SORCS1: variants seen among roughly 807,000 people sequenced by gnomAD.
SORCS1 encodes the protein VPS10 domain-containing receptor SorCS1.
A neutral mutation model predicts 146.1 loss-of-function variants in SORCS1; 60 were observed. The observed-to-expected ratio is 0.41, with a 90% CI of 0.33 to 0.51. The LOEUF (loss-of-function observed/expected upper bound fraction) is 0.51, where lower values mean the gene tolerates loss of function less well. Ranked by LOEUF, SORCS1 falls within the 20% of genes least tolerant of loss-of-function variation. The pLI is 0.21. For missense variants in SORCS1, 1,352 were observed against 1,487.6 expected, an observed-to-expected ratio of 0.91 and a Z score of 1.50; for synonymous variants, 637 against 584.0, an observed-to-expected ratio of 1.09 and a Z score of -1.31.
rs200162724 is a variant in SORCS1 at position 106,675,059 on chromosome 10, G to C, written c.1930C>G (p.Leu644Val). ...TACTTTTCAACTTACGTCATGATGA[G>C]AGTCTCTTCTCCAGGCTCACCCAGA... ...GVLGEPGEET[L>V]IMTVFGHFSH... Residue 644 changes from leucine (L) to valine (V), a missense_variant, in exon 14 of 26, where the codon CTC (leucine) becomes GTC (valine). By Grantham distance (32) the Leu-to-Val change is conservative. Transcript: ENST00000263054. The C allele has an allele frequency of 3.7e-5, 60 of 1,612,630 alleles. No individual in the cohort carries two copies. The East Asian group carries it at 1.2e-3, about 34-fold the overall frequency.
At chr10:107,086,093 G>T (rs1015376202) in intron 1 of SORCS1, among the ~76,000 whole-genome samples, 1 of 152,210 alleles carries the variant, frequency 6.6e-6, no homozygotes, top group African/African-American at 2.4e-5. Flanking sequence ...TCGGGCACTG[G>T]AGAAGCATCT....
upstream of SORCS1, among the ~76,000 whole-genome samples, chr10:107,165,236 G>A (rs548677994): frequency 6.6e-6 from 1 of 151,852 alleles, no homozygotes; most frequent in Admixed American, 6.6e-5. This position sits in a 1 kb window ranked among gnomAD's most constrained non-coding sequence, Gnocchi z 4.0. Context: ...CAGCCTGGGG[G>A]GAGATCCCGG....
intron 13 of SORCS1, among the ~76,000 whole-genome samples, 194 bp from the exon 14 acceptor site, chr10:106,675,350 C>A (rs2135515973): frequency 6.6e-6 from 1 of 152,226 alleles, no homozygotes; most frequent in African/African-American, 2.4e-5. Flanking sequence ...GCCACCGGGA[C>A]ACAGATGTAT....
chr10:106,642,415 T>C (rs1300321206), intron 18 of SORCS1, among the ~76,000 whole-genome samples: 4 of 152,184 alleles, frequency 2.6e-5, no homozygotes, highest in Admixed American at 2.6e-4. Flanking sequence ...AGAAGCATGA[T>C]CTTTTGACAT....
chr10:106,789,835 G>A (rs1190019493), intron 3 of SORCS1, among the ~76,000 whole-genome samples: 1 of 152,224 alleles, frequency 6.6e-6, no homozygotes, highest in Non-Finnish European at 1.5e-5. Flanking sequence ...CCCAAGATTA[G>A]GTAATTTATA....
chr10:106,927,927 G>A (rs1367711641), intron 2 of SORCS1, among the ~76,000 whole-genome samples: 1 of 152,208 alleles, frequency 6.6e-6, no homozygotes, highest in Non-Finnish European at 1.5e-5. Flanking sequence ...GTGTCCATTG[G>A]TGCATTCACA....
At chr10:106,751,421 A>G (rs757250982) in intron 5 of SORCS1, among the ~76,000 whole-genome samples, 1 of 152,222 alleles carries the variant, frequency 6.6e-6, no homozygotes, top group African/African-American at 2.4e-5. Flanking sequence ...GGGCTTTCTG[A>G]GTTCTTCTCC....
At chr10:106,648,041 T>A (rs554567069) in intron 18 of SORCS1, among the ~76,000 whole-genome samples, 184 of 150,514 alleles carry the variant, frequency 1.2e-3, no homozygotes, top group African/African-American at 3.9e-3. Context: ...CTATTTTTTT[T>A]AATTATTTTT....
chr10:106,615,673 G>A (rs2133450679), intron 21 of SORCS1, among the ~76,000 whole-genome samples: 1 of 152,234 alleles, frequency 6.6e-6, no homozygotes, highest in African/African-American at 2.4e-5. Context: ...ATGAATCTCT[G>A]GATAACTCAA....
chr10:106,798,175 C>T (rs1946675084), intron 3 of SORCS1, among the ~76,000 whole-genome samples: 1 of 152,168 alleles, frequency 6.6e-6, no homozygotes, highest in Non-Finnish European at 1.5e-5. Context: ...AAGCTCTGTT[C>T]TCTTGTCTGC....
chr10:106,677,452 A>G, intron 12 of SORCS1, 48 bp from the exon 13 acceptor site: 1 of 1,516,184 alleles, frequency 6.6e-7, no homozygotes, highest in South Asian at 1.1e-5. Context: ...ATCCACACAT[A>G]CCCAGGCTTC....
Position 106,579,351 on chromosome 10 carries a change from G to A in SORCS1, c.3371+18C>T. 2 of 1,614,022 alleles carry A rather than the reference G, an allele frequency of 1.2e-6. No homozygotes were observed. The highest frequency in any genetic ancestry group is 1.7e-6 in the Non-Finnish European group (2 of 1,179,978). ...GAAGAGGTCAGGGGTGGGGGAACGT[G>A]GATAGAGGGACACGCACCTTTTAAA... On this transcript the variant is annotated intron_variant, in intron 25 of 25. Transcript: ENST00000263054.
At chr10:107,105,874 TA>T (rs1207779067) in intron 1 of SORCS1, among the ~76,000 whole-genome samples, 4 of 152,090 alleles carry the variant, frequency 2.6e-5, no homozygotes, top group African/African-American at 4.8e-5. Flanking sequence ...ACAGCACATA[TA>T]AAAAGTTCTT....
intron 5 of SORCS1, among the ~76,000 whole-genome samples, chr10:106,757,650 C>G (rs1049620899): frequency 6.6e-6 from 1 of 152,222 alleles, no homozygotes; most frequent in African/African-American, 2.4e-5. Context: ...TTAAGGAACC[C>G]TTGTGAGCCA....
At chr10:106,661,141 G>A (rs1850696470) in intron 17 of SORCS1, among the ~76,000 whole-genome samples, 1 of 152,190 alleles carries the variant, frequency 6.6e-6, no homozygotes, top group African/African-American at 2.4e-5. Flanking sequence ...GAATGAGCTT[G>A]TGCTTGTGGA....
chr10:106,577,483 T>C lies in SORCS1; in HGVS notation c.3444A>G (p.Ala1148=). The C allele has an allele frequency of 6.2e-7, 1 of 1,612,486 alleles. No individual in the cohort carries two copies. Among genetic ancestry groups the C allele is most frequent in the African/African-American group, 1.3e-5 (1 of 74,848 alleles). The change falls in exon 26 of 26, where the codon GCA becomes GCG. Residue 1148 remains alanine (A), a synonymous_variant. Coordinates refer to ENST00000263054, the MANE Select transcript of SORCS1 (RefSeq NM_052918.5). The part of the protein sequence containing the change: ...PGDSSLRLQR[A]RHATPPSTPK... ...GCGTTGAAGGCGGAGTGGCGTGTCT[T>C]GCTCTTTGCAATCGGAGAGATGAGT...
chr10:106,620,812 A>T (rs202016232), intron 19 of SORCS1, among the ~76,000 whole-genome samples: 1 of 85,436 alleles, frequency 1.2e-5, no homozygotes, highest in Admixed American at 1.1e-4. Context: ...TGTAAAAGTT[A>T]AAAAAAAATT....
At chr10:106,998,040 A>G (rs140413028) in intron 1 of SORCS1, among the ~76,000 whole-genome samples, 114 of 152,368 alleles carry the variant, frequency 7.5e-4, no homozygotes, top group African/African-American at 2.6e-3. Flanking sequence ...AATGCAACAG[A>G]CGAGCAGCCT....
chr10:106,800,759 T>C (rs1946827686), intron 3 of SORCS1, among the ~76,000 whole-genome samples: 1 of 152,088 alleles, frequency 6.6e-6, no homozygotes, highest in Non-Finnish European at 1.5e-5. Context: ...GCCAGGATGG[T>C]CTCGATCTCC....
Sources: allele counts gnomAD v4.1 joint callset (sites outside exome capture counted in the v4.1 genomes callset), GRCh38; gene constraint gnomAD v4.1.1; non-coding constraint Gnocchi (gnomAD v3.1); transcripts MANE v1.5; gene names NCBI Gene and HGNC (gene_info 2026-07-23, HGNC 2026-07-21).